NID2: variants seen among roughly 807,000 people sequenced by gnomAD.
NID2 encodes nidogen 2.
NID2 carries 83 observed loss-of-function variants against 145.4 expected under a neutral mutation model. The observed-to-expected ratio is 0.57, with a 90% CI of 0.48 to 0.69. The LOEUF is 0.69. Ranked by LOEUF, NID2 falls within the 30% of genes least tolerant of loss-of-function variation. NID2 has a pLI of 0.00. For synonymous variants in NID2, 739 were observed against 701.3 expected, an observed-to-expected ratio of 1.05 and a Z score of -0.85; for missense variants, 1,807 against 1,765.7, an observed-to-expected ratio of 1.02 and a Z score of -0.42.
intron 9 of NID2, among the ~76,000 whole-genome samples, chr14:52,035,856 GTA>G (rs60735637): frequency 0.06 from 3,904 of 65,222 alleles, 159 homozygotes; most frequent in African/African-American, 0.12. Context: ...ATTTTTTTGT[GTA>G]TATATATATA....
At chr14:52,010,758 C>CATGA in intron 18 of NID2, 118 bp downstream of exon 18, 1 of 972,516 alleles carries the variant, frequency 1.0e-6, no homozygotes, top group Middle Eastern at 3.4e-4. Flanking sequence ...ATCTTTGTTA[C>CATGA]ATGAATGCAT....
chr14:52,040,615 C>G, intron 8 of NID2, 36 bp downstream of exon 8: 1 of 1,561,380 alleles, frequency 6.4e-7, no homozygotes, highest in Non-Finnish European at 8.8e-7. Flanking sequence ...TGGGCATAAT[C>G]CCCATTTTAC....
chr14:52,005,665 G>A, intron 21 of NID2, 72 bp downstream of exon 21: 2 of 1,393,930 alleles, frequency 1.4e-6, no homozygotes, highest in African/African-American at 1.4e-5. Context: ...GGCAGCAGGG[G>A]TAATCAAATA....
Position 52,011,581 on chromosome 14 carries a change from C to G in NID2, c.3523G>C (p.Ala1175Pro). Residue 1175 changes from alanine (A) to proline (P), a missense_variant, in exon 17 of 22, where the codon GCA becomes CCA. Ala to Pro is a conservative substitution (Grantham distance 27). Coordinates refer to ENST00000216286, the MANE Select transcript of NID2 (RefSeq NM_007361.4). ...GAATTCACGATCGTCTCAGGCTCTG[C>G]TCCCAGTTCCAGACCAGCACGGCTG... ...TISRAGLELG[A>P]EPETIVNSGL... 1 of 1,614,210 alleles carries G rather than the reference C, an allele frequency of 6.2e-7. No individual in the cohort carries two copies. Among genetic ancestry groups the G allele is most frequent in the Non-Finnish European group, 8.5e-7 (1 of 1,180,036 alleles).
intron 5 of NID2, among the ~76,000 whole-genome samples, chr14:52,047,642 T>A (rs985588937): frequency 1.3e-4 from 20 of 152,036 alleles, no homozygotes; most frequent in African/African-American, 4.6e-4. Context: ...ATTCTGAAGG[T>A]GGAACCGAGA....
intron 3 of NID2, among the ~76,000 whole-genome samples, chr14:52,054,730 G>A (rs1390984278): frequency 6.6e-6 from 1 of 152,152 alleles, no homozygotes; most frequent in Non-Finnish European, 1.5e-5. Context: ...AAACCTGAAA[G>A]GCTATTAAGA....
At chr14:52,034,200 T>A (rs1256426759) in intron 9 of NID2, among the ~76,000 whole-genome samples, 1 of 152,194 alleles carries the variant, frequency 6.6e-6, no homozygotes, top group Non-Finnish European at 1.5e-5. Context: ...GTTTGCTTTC[T>A]CTGATCCTTT....
intron 1 of NID2, 118 bp from the exon 2 acceptor site, chr14:52,068,281 G>C (rs1460839155): frequency 2.1e-6 from 2 of 960,102 alleles, no homozygotes; most frequent in African/African-American, 3.3e-5. Flanking sequence ...TTCCCCACTG[G>C]CCAGGGAGTC....
At chr14:52,059,066 C>T (rs1000874242) in intron 3 of NID2, among the ~76,000 whole-genome samples, 1 of 152,184 alleles carries the variant, frequency 6.6e-6, no homozygotes, top group Non-Finnish European at 1.5e-5. Flanking sequence ...GGCTTTGCCA[C>T]TTAACTTTGA....
At position 52,004,856 on chromosome 14, in the gene NID2, T is replaced by C; in HGVS notation, c.*630A>G. On this transcript the variant is annotated 3_prime_UTR_variant, in exon 22 of 22. Coordinates refer to ENST00000216286, the MANE Select transcript of NID2 (RefSeq NM_007361.4). ...AGTAATCTAGAAAATTTTAAAATTGTTACATCTTTGGTATTTATAAATGTG... is the reference window on the plus strand; with the variant it reads ...AGTAATCTAGAAAATTTTAAAATTGCTACATCTTTGGTATTTATAAATGTG... 1 of 184,084 alleles carries C rather than the reference T, an allele frequency of 5.4e-6. No homozygotes were observed. Among genetic ancestry groups the C allele is most frequent in the Non-Finnish European group, 1.1e-5 (1 of 89,800 alleles). The allele number at this position is 184,084 out of a possible 1,614,324, so 11.4% of individuals were successfully genotyped here. A position where few individuals can be genotyped will look rare whatever the true frequency, so the allele number is the denominator to read the frequency against.
intron 13 of NID2, among the ~76,000 whole-genome samples, chr14:52,019,843 G>A (rs886878836): frequency 7.9e-5 from 12 of 152,138 alleles, no homozygotes; most frequent in Non-Finnish European, 1.8e-4. Flanking sequence ...GAGGTAGGAC[G>A]ATGGGTGGGT....
At chr14:52,044,144 T>C (rs1892389511) in intron 5 of NID2, among the ~76,000 whole-genome samples, 1 of 151,808 alleles carries the variant, frequency 6.6e-6, no homozygotes, top group African/African-American at 2.4e-5. Context: ...GTAAAGGAGC[T>C]AATGAGACAT....
intron 12 of NID2, among the ~76,000 whole-genome samples, chr14:52,022,160 A>G (rs1891423446): frequency 6.6e-6 from 1 of 152,062 alleles, no homozygotes; most frequent in South Asian, 2.1e-4. Flanking sequence ...TACCAAATAA[A>G]TCAACGGTGT....
Position 52,068,004 on chromosome 14 carries a change from G to C in NID2, c.388C>G (p.Pro130Ala), listed in dbSNP as rs780281159. The C allele has an allele frequency of 1.9e-6, 3 of 1,612,580 alleles. No individual in the cohort carries two copies. In the Admixed American group the frequency reaches 5.0e-5, roughly 27 times the overall value. Reference protein sequence around the residue: ...GRVLYREDTSPAVLGLAARYV... With the variant: ...GRVLYREDTSAAVLGLAARYV... ...CGGGCGGCCAGGCCCAGCACTGCGG[G>C]GGAGGTGTCCTCTCGGTACAGGACT... is the stretch of plus-strand genomic sequence containing the variant. The change falls in exon 2 of 22, where the codon CCC becomes GCC. Residue 130 changes from proline to alanine, a missense_variant. Physicochemically the swap from Pro to Ala is conservative, Grantham distance 27. Transcript: ENST00000216286.
At chr14:52,017,928 C>A (rs1891271984) in intron 14 of NID2, among the ~76,000 whole-genome samples, 1 of 152,152 alleles carries the variant, frequency 6.6e-6, no homozygotes, top group Non-Finnish European at 1.5e-5. Context: ...AAGTGATTCT[C>A]CTGCCTCAGC....
rs1555363723 is a variant in NID2, at chr14:52,030,568, G to GAAAGAAAGAAC, written c.2258-879_2258-878insGTTCTTTCTTT. Among the ~76,000 whole-genome samples, 307 of 37,700 alleles carry GAAAGAAAGAAC rather than the reference G, an allele frequency of 8.1e-3. 9 individuals are homozygous for GAAAGAAAGAAC. Among genetic ancestry groups the GAAAGAAAGAAC allele is most frequent in the African/African-American group, 0.023 (243 of 10,754 alleles). 24.7% of individuals were successfully genotyped at this position (37,700 alleles called of 152,430 possible). A position where few individuals can be genotyped will look rare whatever the true frequency, so the allele number is the denominator to read the frequency against. ...AGAAAGAAAGAAAGAAAGAAAGAAA[G>GAAAGAAAGAAC]GAAGGAAGGGAAAGAAAGAAAGAAA... On this transcript the variant is annotated intron_variant, in intron 9 of 21. Coordinates refer to ENST00000216286, the MANE Select transcript of NID2 (RefSeq NM_007361.4).
intron 5 of NID2, among the ~76,000 whole-genome samples, chr14:52,047,556 G>A (rs1595044506): frequency 6.6e-6 from 1 of 152,276 alleles, no homozygotes; most frequent in East Asian, 1.9e-4. Flanking sequence ...TCCGACTACA[G>A]TAAATCAGAC....
Position 52,027,330 on chromosome 14 carries a change from C to T in NID2, c.2545G>A (p.Ala849Thr). 2 of 1,570,802 alleles carry T rather than the reference C, an allele frequency of 1.3e-6. No homozygotes were observed. Among genetic ancestry groups the T allele is most frequent in the Non-Finnish European group, 1.7e-6 (2 of 1,160,900 alleles). The stretch of plus-strand genomic sequence containing the variant: ...TGACTGCCATCCTCACAGGGGTTGG[C>T]AGGTGGGGTGATCACTGAAAAGAGA... ...RHTCILITPP[A>T]NPCEDGSHTC... Residue 849 changes from alanine (A) to threonine (T), a missense_variant, in exon 12 of 22, where the codon GCC becomes ACC. Transcript: ENST00000216286.
At chr14:52,054,469 A>G in intron 3 of NID2, 148 bp from the exon 4 acceptor site, 2 of 764,070 alleles carry the variant, frequency 2.6e-6, no homozygotes, top group Non-Finnish European at 4.1e-6. Flanking sequence ...TGCAAGGCCA[A>G]AGTAGGAGGA....
Sources: allele counts gnomAD v4.1 joint callset (sites outside exome capture counted in the v4.1 genomes callset), GRCh38; gene constraint gnomAD v4.1.1; transcripts MANE v1.5; gene names NCBI Gene and HGNC (gene_info 2026-07-23, HGNC 2026-07-21).